LRFN5: variants seen among roughly 807,000 people sequenced by gnomAD.
LRFN5 encodes the protein leucine rich repeat and fibronectin type III domain containing 5.
In LRFN5, 24 loss-of-function variants were observed where a neutral mutation model predicts 45.6. The observed-to-expected ratio is 0.53, with a 90% CI of 0.38 to 0.74. The LOEUF (loss-of-function observed/expected upper bound fraction) is 0.74, where lower values mean the gene tolerates loss of function less well. Ranked by LOEUF, LRFN5 falls within the 30% of genes least tolerant of loss-of-function variation. LRFN5 has a pLI of 0.00. For missense variants in LRFN5, 776 were observed against 861.5 expected, an observed-to-expected ratio of 0.90 and a Z score of 1.24; for synonymous variants, 340 against 313.8, an observed-to-expected ratio of 1.08 and a Z score of -0.88.
At chr14:41,760,500 G>A (rs1430618242) in intron 1 of LRFN5, among the ~76,000 whole-genome samples, 1 of 152,086 alleles carries the variant, frequency 6.6e-6, no homozygotes, top group East Asian at 1.9e-4. Context: ...AAATTGATCT[G>A]GCTTCTACAC....
At chr14:41,777,631 AT>A (rs1886337195) in intron 2 of LRFN5, among the ~76,000 whole-genome samples, 1 of 151,846 alleles carries the variant, frequency 6.6e-6, no homozygotes, top group African/African-American at 2.4e-5. Context: ...TCATCATCTA[AT>A]TGAGCATGCT....
At chr14:41,680,080 G>T (rs966510945) in intron 1 of LRFN5, among the ~76,000 whole-genome samples, 1 of 152,154 alleles carries the variant, frequency 6.6e-6, no homozygotes, top group Non-Finnish European at 1.5e-5. Flanking sequence ...TGGCTTGGGT[G>T]CCAGATCAGC....
chr14:41,862,080 G>T (rs947837164), intron 2 of LRFN5, among the ~76,000 whole-genome samples: 1 of 152,138 alleles, frequency 6.6e-6, no homozygotes, highest in Non-Finnish European at 1.5e-5. Flanking sequence ...CATGTAAGAC[G>T]TGCCATGCTT....
At chr14:41,774,550 G>A (rs1471194133) in intron 2 of LRFN5, among the ~76,000 whole-genome samples, 2 of 152,092 alleles carry the variant, frequency 1.3e-5, no homozygotes, top group Admixed American at 6.6e-5. Flanking sequence ...AATATGAAAT[G>A]AATAAAACAC....
In LRFN5 at chr14:41,793,125, G is replaced by T. The variant is rs555844360; in HGVS notation, c.-21+26096G>T. ...TAACTAACCTTCACATTGTGCACAT[G>T]TACCCTAAAACTTAAAGTATAATTA... On this transcript the variant is annotated intron_variant, in intron 2 of 5. Transcript: ENST00000298119. Among the ~76,000 whole-genome samples, 3 of 151,052 alleles carry T rather than the reference G, an allele frequency of 2.0e-5. No homozygotes were observed. The South Asian group carries it at 6.3e-4, about 32-fold the overall frequency.
At chr14:41,873,187 A>C (rs1408021992) in intron 2 of LRFN5, among the ~76,000 whole-genome samples, 2 of 152,202 alleles carry the variant, frequency 1.3e-5, no homozygotes, top group Non-Finnish European at 2.9e-5. Flanking sequence ...ATTTACAATG[A>C]GTGAATAAAA....
chr14:41,755,579 G>C (rs1004483934), intron 1 of LRFN5, among the ~76,000 whole-genome samples: 3 of 152,092 alleles, frequency 2.0e-5, no homozygotes, highest in African/African-American at 7.2e-5. Flanking sequence ...CAGAGACTAG[G>C]ATTGCAACCC....
At chr14:41,900,575 A>G (rs2139179914) in intron 5 of LRFN5, among the ~76,000 whole-genome samples, 1 of 152,254 alleles carries the variant, frequency 6.6e-6, no homozygotes, top group Admixed American at 6.6e-5. Context: ...TACTTAAGCT[A>G]CCTTGTTCCT....
At position 41,861,635 on chromosome 14, in the gene LRFN5, T is replaced by G. The variant is rs79048091; in HGVS notation, c.-20-24971T>G. ...TATTTCCAATGTCTGACAGAATGCT[T>G]GCATAGTAGTAGTGATCAGCAAACG... is the stretch of plus-strand genomic sequence containing the variant. On this transcript the variant is annotated intron_variant, in intron 2 of 5. Transcript: ENST00000298119. 5.7e-3 allele frequency among the ~76,000 whole-genome samples: 874 copies of G among 152,232 alleles called. 11 individuals are homozygous for G. Among genetic ancestry groups the G allele is most frequent in the African/African-American group, 0.02 (836 of 41,510 alleles).
At chr14:41,808,831 C>T (rs777618502) in intron 2 of LRFN5, among the ~76,000 whole-genome samples, 10 of 151,950 alleles carry the variant, frequency 6.6e-5, no homozygotes, top group Non-Finnish European at 5.9e-5. Flanking sequence ...CAATTGATTG[C>T]TTATTAGGTC....
intron 2 of LRFN5, among the ~76,000 whole-genome samples, chr14:41,842,966 G>C (rs61418820): frequency 0.28 from 41,727 of 151,166 alleles, 5,917 homozygotes; most frequent in Middle Eastern, 0.35. Context: ...TTTATATTTA[G>C]TTAATTTATA....
intron 2 of LRFN5, among the ~76,000 whole-genome samples, chr14:41,769,371 T>C (rs1885999219): frequency 6.6e-6 from 1 of 152,230 alleles, no homozygotes; most frequent in African/African-American, 2.4e-5. Flanking sequence ...TACTTTTGTC[T>C]GTTTCTCTAT....
intron 2 of LRFN5, among the ~76,000 whole-genome samples, chr14:41,862,451 C>T (rs1889698040): frequency 6.6e-6 from 1 of 151,778 alleles, no homozygotes; most frequent in Non-Finnish European, 1.5e-5. Context: ...ATATTAATTC[C>T]AACATTTATG....
At chr14:41,901,317 C>A (rs946328173) in intron 5 of LRFN5, among the ~76,000 whole-genome samples, 1 of 151,870 alleles carries the variant, frequency 6.6e-6, no homozygotes, top group Non-Finnish European at 1.5e-5. Context: ...AATAGTTATG[C>A]TGTTCGGCAG....
chr14:41,753,952 T>G (rs1219312213), intron 1 of LRFN5, among the ~76,000 whole-genome samples: 4 of 152,196 alleles, frequency 2.6e-5, no homozygotes, highest in Non-Finnish European at 4.4e-5. Flanking sequence ...ATACCTAATT[T>G]ATTGAGAGTT....
chr14:41,807,203 A>G (rs1000726005), intron 2 of LRFN5, among the ~76,000 whole-genome samples: 6 of 152,200 alleles, frequency 3.9e-5, no homozygotes, highest in Non-Finnish European at 1.5e-5. Context: ...AAGGATGTCT[A>G]TAGACTTGAT....
chr14:41,892,061 A>C, intron 4 of LRFN5, 99 bp downstream of exon 4: 1 of 1,504,152 alleles, frequency 6.6e-7, no homozygotes. Context: ...TAACTCGCCG[A>C]ACACATGTGG....
intron 1 of LRFN5, among the ~76,000 whole-genome samples, chr14:41,685,670 GT>G (rs1191873807): frequency 6.6e-6 from 1 of 152,110 alleles, no homozygotes; most frequent in Non-Finnish European, 1.5e-5. Flanking sequence ...TCCAGTTTCA[GT>G]TTTCTGCATA....
intron 1 of LRFN5, among the ~76,000 whole-genome samples, chr14:41,755,630 C>G (rs1278401054): frequency 1.3e-5 from 2 of 152,158 alleles, no homozygotes; most frequent in Non-Finnish European, 2.9e-5. Context: ...AGATCTTCCT[C>G]CATCCCTTTA....
Sources: gnomAD v4.1 joint callset for allele counts (sites outside exome capture counted in the v4.1 genomes callset) on GRCh38, gnomAD v4.1.1 for gene constraint, MANE v1.5 for transcripts, NCBI Gene and HGNC (gene_info 2026-07-23, HGNC 2026-07-21) for gene names.